NBAS: variants seen among roughly 807,000 people sequenced by gnomAD.
NBAS encodes NAG/BC035112 fusion.
NBAS carries 219 observed loss-of-function variants against 302.5 expected under a neutral mutation model. That is an observed-to-expected ratio of 0.72 (90% confidence interval 0.65 to 0.81). NBAS has a LOEUF of 0.81. Ranked by LOEUF, NBAS falls within the 30% of genes least tolerant of loss-of-function variation. NBAS has a pLI of 0.00. For missense variants in NBAS, 2,932 were observed against 2,841.6 expected (o/e 1.03, Z -0.72); for synonymous variants, 1,118 against 1,021.6 (o/e 1.09, Z -1.80).
intron 7 of NBAS, 67 bp from the exon 8 acceptor site, chr2:15,536,618 A>C: frequency 3.7e-6 from 5 of 1,346,122 alleles, no homozygotes; most frequent in Non-Finnish European, 5.2e-6. Context: ...CACATGCATA[A>C]TTAGAGAATA....
chr2:15,483,428 C>A, intron 12 of NBAS: 2 of 365,406 alleles, frequency 5.5e-6, no homozygotes, highest in South Asian at 4.5e-5. Flanking sequence ...TATTCCATTT[C>A]TAGGCCTGAA....
At chr2:14,913,520 G>C in the NBAS span, among the ~76,000 whole-genome samples, 2 of 152,190 alleles carry the variant, frequency 1.3e-5, no homozygotes, top group Non-Finnish European at 2.9e-5. Flanking sequence ...GGAAAGCTGA[G>C]CCCAGACAAG....
At chr2:14,995,540 C>T in the NBAS span, among the ~76,000 whole-genome samples, 1 of 152,216 alleles carries the variant, frequency 6.6e-6, no homozygotes, top group Non-Finnish European at 1.5e-5. Context: ...CCTACAACAT[C>T]ACATGGAATA....
intron 27 of NBAS, among the ~76,000 whole-genome samples, chr2:15,395,615 T>A (rs1425189461): frequency 1.3e-5 from 2 of 152,132 alleles, no homozygotes; most frequent in Non-Finnish European, 2.9e-5. Flanking sequence ...GAAATATTTT[T>A]ACACTAAAGT....
rs757344570 is a variant in NBAS at position 15,379,663 on chromosome 2, C to A, written c.3529G>T (p.Ala1177Ser). 6.2e-7 allele frequency: 1 copy of A among 1,613,980 alleles called. No homozygotes were observed. The highest frequency in any genetic ancestry group is 8.5e-7 in the Non-Finnish European group (1 of 1,179,968). ...YEKSIDLVLA[A>S]SREYFNSSTN... ...GAAGAATTGAAGTACTCTCTGCTGGCAGCCAAAACCAAGTCAATACTCTTT... is the reference window on the plus strand; with the variant it reads ...GAAGAATTGAAGTACTCTCTGCTGGAAGCCAAAACCAAGTCAATACTCTTT... Residue 1177 changes from alanine to serine, a missense_variant, in exon 30 of 52, where the codon GCC becomes TCC. By Grantham distance (99) the Ala-to-Ser change is moderately conservative. Coordinates refer to ENST00000281513, the MANE Select transcript of NBAS (RefSeq NM_015909.4).
the NBAS span, among the ~76,000 whole-genome samples, chr2:14,818,189 C>A: frequency 6.6e-6 from 1 of 152,162 alleles, no homozygotes; most frequent in Admixed American, 6.5e-5. Context: ...CTTTAGAAAT[C>A]ACCTCCTACT....
chr2:14,936,627 T>C, the NBAS span, among the ~76,000 whole-genome samples: 87 of 152,310 alleles, frequency 5.7e-4, no homozygotes, highest in African/African-American at 2.0e-3. Context: ...CACAACCTGA[T>C]AAGGGTGGTG....
At chr2:15,340,171 C>T (rs1471772979) in intron 35 of NBAS, among the ~76,000 whole-genome samples, 1 of 152,114 alleles carries the variant, frequency 6.6e-6, no homozygotes, top group Non-Finnish European at 1.5e-5. Context: ...TGACCATTGA[C>T]TATAGCAAAA....
the NBAS span, among the ~76,000 whole-genome samples, chr2:14,834,743 A>G: frequency 6.6e-6 from 1 of 152,082 alleles, no homozygotes; most frequent in East Asian, 1.9e-4. Flanking sequence ...TTTCAGAAGC[A>G]AGGACTGTGG....
At chr2:15,385,409 AG>A (rs767203307) in intron 28 of NBAS, among the ~76,000 whole-genome samples, 60 of 152,368 alleles carry the variant, frequency 3.9e-4, no homozygotes, top group Admixed American at 9.1e-4. Flanking sequence ...ACACTGGGGC[AG>A]ATGGTACTAA....
chr2:15,509,331 C>T (rs1024556812), intron 10 of NBAS, among the ~76,000 whole-genome samples: 1 of 152,070 alleles, frequency 6.6e-6, no homozygotes, highest in Non-Finnish European at 1.5e-5. Flanking sequence ...CAATAATACA[C>T]CAACTGTTCT....
At chr2:14,995,187 T>C in the NBAS span, among the ~76,000 whole-genome samples, 1 of 152,126 alleles carries the variant, frequency 6.6e-6, no homozygotes, top group Non-Finnish European at 1.5e-5. Flanking sequence ...ATTAGGTATA[T>C]CTCCTAATAC....
Position 15,319,702 on chromosome 2 carries a change from G to C in NBAS, c.4582+8048C>G, listed in dbSNP as rs185993197. Reference sequence around the variant, plus strand: ...CCTCCCAAGACTAAACCAGGAAGAAGTTGACTCTTTGAATAGACAAATAAC... The same window carrying C: ...CCTCCCAAGACTAAACCAGGAAGAACTTGACTCTTTGAATAGACAAATAAC... On this transcript the variant is annotated intron_variant, in intron 38 of 51. Coordinates refer to ENST00000281513, the MANE Select transcript of NBAS (RefSeq NM_015909.4). 6.3e-4 allele frequency among the ~76,000 whole-genome samples: 95 copies of C among 151,928 alleles called. No individual in the cohort carries two copies. The South Asian group carries it at 0.017, about 27-fold the overall frequency.
At chr2:15,452,869 C>T (rs192862066) in intron 21 of NBAS, among the ~76,000 whole-genome samples, 2 of 152,274 alleles carry the variant, frequency 1.3e-5, no homozygotes, top group African/African-American at 2.4e-5. Flanking sequence ...AATCTGCTCA[C>T]GTAATCATTT....
At chr2:14,923,760 A>T in the NBAS span, among the ~76,000 whole-genome samples, 1 of 152,204 alleles carries the variant, frequency 6.6e-6, no homozygotes, top group Non-Finnish European at 1.5e-5. Context: ...TTTTAGGCTG[A>T]GGTACCCCCA....
chr2:15,245,977 T>C (rs1198854216), intron 44 of NBAS, among the ~76,000 whole-genome samples: 1 of 152,172 alleles, frequency 6.6e-6, no homozygotes, highest in Non-Finnish European at 1.5e-5. Context: ...CATTTTCTGA[T>C]CTCTGATTTA....
At chr2:14,845,269 T>A in the NBAS span, among the ~76,000 whole-genome samples, 60 of 152,312 alleles carry the variant, frequency 3.9e-4, no homozygotes, top group African/African-American at 1.4e-3. Context: ...TGCCTGGTAA[T>A]CAAAAGAATT....
chr2:15,312,190 T>A (rs1207793434), intron 38 of NBAS, among the ~76,000 whole-genome samples: 2 of 152,254 alleles, frequency 1.3e-5, no homozygotes, highest in East Asian at 3.8e-4. Flanking sequence ...GATTCTTCAA[T>A]GTGAGTATTC....
the NBAS span, among the ~76,000 whole-genome samples, chr2:14,846,363 C>A: frequency 1.3e-5 from 2 of 150,644 alleles, no homozygotes; most frequent in South Asian, 4.2e-4. Flanking sequence ...GTAGTGAAAA[C>A]TTTCCCAGAC....
Sources: gnomAD v4.1 joint callset for allele counts (sites outside exome capture counted in the v4.1 genomes callset) on GRCh38, gnomAD v4.1.1 for gene constraint, MANE v1.5 for transcripts, NCBI Gene and HGNC (gene_info 2026-07-23, HGNC 2026-07-21) for gene names.